The following NBAS variants were observed in gnomAD, a reference collection of about 807,000 sequenced individuals.
The protein encoded by NBAS is NAG/BC035112 fusion.
In NBAS, 219 loss-of-function variants were observed where a neutral mutation model predicts 302.5. The ratio of observed to expected loss-of-function variants is 0.72; its 90% CI spans 0.65 to 0.81. NBAS has a LOEUF of 0.81. Ranked by LOEUF, NBAS falls within the 30% of genes least tolerant of loss-of-function variation. The probability of loss-of-function intolerance (pLI) is 0.00; values close to 1 mark genes in which losing one functional copy is unlikely to be tolerated. For synonymous variants in NBAS, 1,118 were observed against 1,021.6 expected (o/e 1.09, Z -1.80); for missense variants, 2,932 against 2,841.6 (o/e 1.03, Z -0.72).
chr2:15,396,158 CCCAAAGA>C (rs1675854253), intron 27 of NBAS, among the ~76,000 whole-genome samples: 1 of 152,030 alleles, frequency 6.6e-6, no homozygotes, highest in African/African-American at 2.4e-5. Context: ...AAACCCTAGG[CCCAAAGA>C]TCACACGACT....
At chr2:14,782,892 T>C in the NBAS span, among the ~76,000 whole-genome samples, 1 of 151,908 alleles carries the variant, frequency 6.6e-6, no homozygotes, top group South Asian at 2.1e-4. Context: ...CACTTACAAG[T>C]GGGAGCTAAA....
At chr2:15,482,627 A>C (rs2148601056) in intron 12 of NBAS, among the ~76,000 whole-genome samples, 1 of 152,220 alleles carries the variant, frequency 6.6e-6, no homozygotes, top group South Asian at 2.1e-4. Flanking sequence ...TGGAACCTGC[A>C]GACAAAATCC....
chr2:14,847,207 C>A, the NBAS span, among the ~76,000 whole-genome samples: 241 of 151,712 alleles, frequency 1.6e-3, 1 homozygote, highest in Non-Finnish European at 2.9e-3. Context: ...CACAGTGAAA[C>A]CCCGTCTCTA....
chr2:15,151,635 G>C, the NBAS span, among the ~76,000 whole-genome samples: 1 of 152,132 alleles, frequency 6.6e-6, no homozygotes. Flanking sequence ...AATAGGTCTG[G>C]TATCGTAGAA....
chr2:14,797,909 C>A, the NBAS span, among the ~76,000 whole-genome samples: 7 of 152,128 alleles, frequency 4.6e-5, no homozygotes, highest in Admixed American at 4.6e-4. Flanking sequence ...ATTTTTGTTG[C>A]TAATATATAG....
chr2:14,928,908 G>C, the NBAS span, among the ~76,000 whole-genome samples: 1 of 152,114 alleles, frequency 6.6e-6, no homozygotes, highest in South Asian at 2.1e-4. Context: ...ATAGAGACCT[G>C]GATTGAAGTA....
At chr2:15,419,710 G>A (rs1265082633) in intron 23 of NBAS, among the ~76,000 whole-genome samples, 1 of 149,810 alleles carries the variant, frequency 6.7e-6, no homozygotes, top group Non-Finnish European at 1.5e-5. Context: ...CTTGGTTGAC[G>A]ATTTTTTTCT....
chr2:15,422,248 C>T (rs1440007138), intron 23 of NBAS, among the ~76,000 whole-genome samples: 1 of 152,198 alleles, frequency 6.6e-6, no homozygotes, highest in African/African-American at 2.4e-5. Flanking sequence ...AGATTAGCTT[C>T]TTTCACTAAG....
At chr2:14,930,333 G>A in the NBAS span, among the ~76,000 whole-genome samples, 7 of 152,298 alleles carry the variant, frequency 4.6e-5, no homozygotes, top group African/African-American at 1.7e-4. Flanking sequence ...CTGTGTTGTG[G>A]CATTTTAGAG....
At chr2:15,105,795 G>A in the NBAS span, among the ~76,000 whole-genome samples, 872 of 152,222 alleles carry the variant, frequency 5.7e-3, 9 homozygotes, top group African/African-American at 0.02. Context: ...ACATGGCAAC[G>A]ATTATCAAAC....
rs375256515 is a variant in NBAS, at chr2:15,465,698, C to A, written c.2097+1631G>T. On this transcript the variant is annotated intron_variant, in intron 19 of 51. Coordinates refer to ENST00000281513, the MANE Select transcript of NBAS (RefSeq NM_015909.4). ...ATCAAATTCACCTACTTTTCAAGAA[C>A]TTTGCTGAATTCTCTAAAAAAAAGT... Among the ~76,000 whole-genome samples the A allele has an allele frequency of 4.0e-4, 61 of 152,148 alleles. No homozygotes were observed. In the East Asian group the frequency reaches 0.01, roughly 26 times the overall value.
At chr2:14,953,854 GC>G in the NBAS span, among the ~76,000 whole-genome samples, 1 of 152,204 alleles carries the variant, frequency 6.6e-6, no homozygotes, top group Non-Finnish European at 1.5e-5. Context: ...TTATAAAAAG[GC>G]AGATGCCTCA....
At chr2:15,034,164 G>A in the NBAS span, among the ~76,000 whole-genome samples, 1 of 123,984 alleles carries the variant, frequency 8.1e-6, no homozygotes, top group Non-Finnish European at 1.6e-5. Flanking sequence ...AGGAGGAGGT[G>A]GAGGAAGAAG....
chr2:14,955,933 T>C, the NBAS span, among the ~76,000 whole-genome samples: 1 of 152,226 alleles, frequency 6.6e-6, no homozygotes, highest in Admixed American at 6.5e-5. Context: ...TTGTTACTTA[T>C]GCAAATTTCT....
intron 16 of NBAS, among the ~76,000 whole-genome samples, chr2:15,471,856 C>T (rs911485130): frequency 6.6e-6 from 1 of 152,112 alleles, no homozygotes; most frequent in Non-Finnish European, 1.5e-5. Flanking sequence ...AGTGCCCTCA[C>T]CAGGAACGAA....
At chr2:15,135,604 G>T in the NBAS span, among the ~76,000 whole-genome samples, 6 of 152,294 alleles carry the variant, frequency 3.9e-5, no homozygotes, top group East Asian at 9.7e-4. Flanking sequence ...GGGAAGGTTG[G>T]AGGGTTGCTT....
the NBAS span, among the ~76,000 whole-genome samples, chr2:15,059,022 C>A: frequency 2.0e-5 from 3 of 152,322 alleles, no homozygotes; most frequent in Non-Finnish European, 2.9e-5. Context: ...TCCCCACTGG[C>A]CTTTGAACCT....
intron 28 of NBAS, 94 bp from the exon 29 acceptor site, chr2:15,383,411 G>A (rs551047479): frequency 1.6e-5 from 16 of 999,682 alleles, no homozygotes; most frequent in East Asian, 2.4e-5. Flanking sequence ...ACAAAAACTG[G>A]TACCACCACT....
chr2:15,049,837 A>C, the NBAS span, among the ~76,000 whole-genome samples: 2,267 of 152,320 alleles, frequency 0.015, 28 homozygotes, highest in Non-Finnish European at 0.022. Context: ...AGCTGGCGAC[A>C]GGGCCGGGAA....
Sources: allele counts gnomAD v4.1 joint callset (sites outside exome capture counted in the v4.1 genomes callset), GRCh38; gene constraint gnomAD v4.1.1; transcripts MANE v1.5; gene names NCBI Gene and HGNC (gene_info 2026-07-23, HGNC 2026-07-21).